The following CPT1A variants were observed in gnomAD, a reference collection of about 807,000 sequenced individuals.
CPT1A encodes carnitine O-palmitoyltransferase 1, liver isoform.
In CPT1A, 64 loss-of-function variants were observed where a neutral mutation model predicts 100.8. That is an observed-to-expected ratio of 0.63 (90% CI 0.52 to 0.78). The LOEUF (loss-of-function observed/expected upper bound fraction) is 0.78. Among genes scored for constraint, CPT1A ranks in the 30% least tolerant of loss-of-function variants. CPT1A has a pLI of 0.00. For synonymous variants in CPT1A, 363 were observed against 396.0 expected (o/e 0.92, Z 0.99); for missense variants, 802 against 1,034.1 (o/e 0.78, Z 3.08).
intron 3 of CPT1A, among the ~76,000 whole-genome samples, chr11:68,809,865 C>T (rs960276469): frequency 2.0e-5 from 3 of 152,200 alleles, no homozygotes; most frequent in East Asian, 3.9e-4. Flanking sequence ...TTTAAGAGAG[C>T]GCCTACACTA....
intron 9 of CPT1A, among the ~76,000 whole-genome samples, chr11:68,787,046 A>G (rs73519150): frequency 0.014 from 2,196 of 152,298 alleles, 62 homozygotes; most frequent in African/African-American, 0.05. Flanking sequence ...TAAAAGATAA[A>G]GGATTGAAAG....
At position 68,820,757 on chromosome 11, in the gene CPT1A, C is replaced by G. The variant is rs1267060358; in HGVS notation, c.-13-5270G>C. On this transcript the variant is annotated intron_variant, in intron 1 of 18. Coordinates refer to ENST00000265641, the MANE Select transcript of CPT1A (RefSeq NM_001876.4). Reference sequence around the variant, plus strand: ...TGATGAAAACTCCCACCGTCCCACTCCCTCCTTCCAGGGACGTGAATCACC... The same window carrying G: ...TGATGAAAACTCCCACCGTCCCACTGCCTCCTTCCAGGGACGTGAATCACC... 2.0e-5 allele frequency among the ~76,000 whole-genome samples: 3 copies of G among 152,116 alleles called. No homozygotes were observed. The East Asian group carries it at 5.8e-4, about 29-fold the overall frequency.
chr11:68,758,498 TTTAG>T (rs1405053387), intron 18 of CPT1A, among the ~76,000 whole-genome samples: 1 of 152,220 alleles, frequency 6.6e-6, no homozygotes, highest in Non-Finnish European at 1.5e-5. Context: ...ACCCATTATT[TTTAG>T]TTCATCTTCC....
chr11:68,763,305 C>T (rs567144820), intron 14 of CPT1A, among the ~76,000 whole-genome samples: 1 of 151,152 alleles, frequency 6.6e-6, no homozygotes, highest in African/African-American at 2.4e-5. Context: ...GATACTATGA[C>T]ACCCCCCCCA....
chr11:68,829,895 T>G (rs1486322903), intron 1 of CPT1A, among the ~76,000 whole-genome samples: 1 of 152,096 alleles, frequency 6.6e-6, no homozygotes, highest in Non-Finnish European at 1.5e-5. Flanking sequence ...CTATTTTCAC[T>G]GAAAGTACAG....
At chr11:68,796,590 G>T (rs1162754645) in intron 7 of CPT1A, among the ~76,000 whole-genome samples, 1 of 152,104 alleles carries the variant, frequency 6.6e-6, no homozygotes, top group East Asian at 1.9e-4. Flanking sequence ...AGCAGGACAG[G>T]TACAGCACAG....
At chr11:68,790,558 C>T (rs924236017) in intron 9 of CPT1A, among the ~76,000 whole-genome samples, 4 of 152,124 alleles carry the variant, frequency 2.6e-5, no homozygotes, top group Non-Finnish European at 4.4e-5. Flanking sequence ...CTGGACCCCC[C>T]CAGAAGCTGG....
chr11:68,764,929 C>T (rs186058030), intron 14 of CPT1A, among the ~76,000 whole-genome samples: 183 of 152,332 alleles, frequency 1.2e-3, no homozygotes, highest in Admixed American at 5.7e-3. Flanking sequence ...CGTAGCTGGC[C>T]GCCTTGGGGA....
intron 1 of CPT1A, among the ~76,000 whole-genome samples, chr11:68,836,756 A>G (rs1358025532): frequency 6.6e-6 from 1 of 152,006 alleles, no homozygotes; most frequent in African/African-American, 2.4e-5. Context: ...TGGGCAACAG[A>G]GTGAGATTTC....
At chr11:68,805,848 C>T (rs773255262) in intron 4 of CPT1A, among the ~76,000 whole-genome samples, 15 of 152,210 alleles carry the variant, frequency 9.9e-5, no homozygotes, top group East Asian at 1.9e-4. Context: ...CTTGAGGTGC[C>T]GAGCAAAGCC....
intron 18 of CPT1A, 79 bp from the exon 19 acceptor site, chr11:68,757,809 G>T: frequency 8.5e-7 from 1 of 1,183,388 alleles, no homozygotes; most frequent in Non-Finnish European, 1.3e-6. Context: ...TTTGCAATCT[G>T]ACCCAATGTT....
At chr11:68,761,306 G>A (rs942972633) in intron 16 of CPT1A, among the ~76,000 whole-genome samples, 5 of 150,538 alleles carry the variant, frequency 3.3e-5, no homozygotes, top group Non-Finnish European at 5.9e-5. Context: ...GTAAGCTCTC[G>A]AGGTCTTCGG....
intron 12 of CPT1A, among the ~76,000 whole-genome samples, chr11:68,778,947 G>T (rs1310495588): frequency 6.6e-6 from 1 of 151,706 alleles, no homozygotes; most frequent in Non-Finnish European, 1.5e-5. Flanking sequence ...CACCACGCCC[G>T]GCTAATTTTT....
chr11:68,794,219 A>T (rs562835043), intron 8 of CPT1A, among the ~76,000 whole-genome samples: 1 of 152,302 alleles, frequency 6.6e-6, no homozygotes, highest in East Asian at 1.9e-4. Flanking sequence ...ACAAAGCTTT[A>T]AAAATTGCAA....
chr11:68,769,377 C>T (rs1049604140), intron 14 of CPT1A, among the ~76,000 whole-genome samples: 11 of 151,808 alleles, frequency 7.2e-5, no homozygotes, highest in Non-Finnish European at 1.6e-4. Flanking sequence ...CCTTGGACTA[C>T]AGGCATGCGC....
rs761250350 is a variant in CPT1A, at chr11:68,760,248, A to G, written c.2119T>C (p.Ser707Pro). The G allele has an allele frequency of 4.3e-6, 7 of 1,611,404 alleles. No homozygotes were observed. In the South Asian group the frequency reaches 7.7e-5, roughly 18 times the overall value. Residue 707 changes from serine (S) to proline (P), a missense_variant, in exon 17 of 19, where the codon TCC (serine) becomes CCC (proline). Ser to Pro is a moderately conservative substitution (Grantham distance 74, BLOSUM62 -1). Coordinates refer to ENST00000265641, the MANE Select transcript of CPT1A (RefSeq NM_001876.4). ...FDLENNPEYV[S>P]SGGGFGPVAD... The stretch of plus-strand genomic sequence containing the variant: ...ACCGGTCCAAAGCCCCCTCCGCTGG[A>G]CACGTACTCTGGGTTATTCTCCAAG...
At chr11:68,817,100 GGTGT>G (rs568161603) in intron 1 of CPT1A, among the ~76,000 whole-genome samples, 2 of 130,014 alleles carry the variant, frequency 1.5e-5, no homozygotes, top group Admixed American at 7.6e-5. Context: ...GTGTGTGTGT[GGTGT>G]GTGTGTGTGG....
At chr11:68,779,578 C>G (rs1356787563) in intron 12 of CPT1A, among the ~76,000 whole-genome samples, 5 of 151,452 alleles carry the variant, frequency 3.3e-5, no homozygotes, top group Admixed American at 6.6e-5. Flanking sequence ...GGCAGATCCC[C>G]TGTGCCCAGG....
At chr11:68,834,921 C>T (rs1290605468) in intron 1 of CPT1A, among the ~76,000 whole-genome samples, 1 of 151,476 alleles carries the variant, frequency 6.6e-6, no homozygotes, top group Non-Finnish European at 1.5e-5. Flanking sequence ...ATTGCTTGAA[C>T]TGGGGAGGCG....
Sources: allele counts gnomAD v4.1 joint callset (sites outside exome capture counted in the v4.1 genomes callset), GRCh38; gene constraint gnomAD v4.1.1; transcripts MANE v1.5; gene names NCBI Gene and HGNC (gene_info 2026-07-23, HGNC 2026-07-21).